KIAA1217: variants seen among roughly 807,000 people sequenced by gnomAD.
KIAA1217 encodes the protein sickle tail protein homolog.
KIAA1217 carries 88 observed loss-of-function variants against 163.9 expected under a neutral mutation model. The ratio of observed to expected loss-of-function variants is 0.54; its 90% CI spans 0.45 to 0.64. The LOEUF (loss-of-function observed/expected upper bound fraction) is 0.64. Among genes scored for constraint, KIAA1217 ranks in the 30% least tolerant of loss-of-function variants. The pLI, the probability that KIAA1217 is intolerant of heterozygous loss-of-function variation, is 0.00. For synonymous variants in KIAA1217, 903 were observed against 923.1 expected (o/e 0.98, Z 0.39); for missense variants, 2,372 against 2,475.0 (o/e 0.96, Z 0.88).
At chr10:24,212,076 G>C (rs555956545) in intron 1 of KIAA1217, among the ~76,000 whole-genome samples, 44 of 149,310 alleles carry the variant, frequency 2.9e-4, no homozygotes, top group Non-Finnish European at 5.8e-4. Context: ...GAAAGAGAAG[G>C]AAGGAAAAAG....
intron 1 of KIAA1217, among the ~76,000 whole-genome samples, chr10:23,818,755 G>T (rs564821711): frequency 6.6e-6 from 1 of 152,146 alleles, no homozygotes; most frequent in Non-Finnish European, 1.5e-5. Context: ...TTAAGGAAGT[G>T]GGAAGGGTTG....
chr10:23,791,494 A>G (rs1835950007), intron 1 of KIAA1217, among the ~76,000 whole-genome samples: 1 of 152,238 alleles, frequency 6.6e-6, no homozygotes, highest in Non-Finnish European at 1.5e-5. Flanking sequence ...TAATAAAACC[A>G]CAGTACCAAT....
At position 24,442,330 on chromosome 10, in the gene KIAA1217, G is replaced by A. The variant is rs374055387; in HGVS notation, c.846+3851G>A. On this transcript the variant is annotated intron_variant, in intron 5 of 20. Coordinates refer to ENST00000376454, the MANE Select transcript of KIAA1217 (RefSeq NM_019590.5). ...CTTCCTCTTGCCTGTGTTTAAGCAG[G>A]CTTCTCTAGTTTGGAGTTTATTTGT... 8.5e-5 allele frequency among the ~76,000 whole-genome samples: 13 copies of A among 152,128 alleles called. No homozygotes were observed. The East Asian group carries it at 2.5e-3, about 29-fold the overall frequency.
At chr10:23,965,924 A>G (rs955026762) in intron 1 of KIAA1217, among the ~76,000 whole-genome samples, 5 of 152,194 alleles carry the variant, frequency 3.3e-5, no homozygotes, top group African/African-American at 1.2e-4. Context: ...TGTCCCTGTA[A>G]CAGACACTGA....
intron 2 of KIAA1217, among the ~76,000 whole-genome samples, chr10:24,031,214 T>C (rs1399797966): frequency 6.6e-6 from 1 of 152,132 alleles, no homozygotes; most frequent in African/African-American, 2.4e-5. Flanking sequence ...CTGTTTTTTG[T>C]TTTTTTCATA....
intron 2 of KIAA1217, among the ~76,000 whole-genome samples, chr10:24,254,414 G>A (rs112519608): frequency 6.6e-6 from 1 of 152,222 alleles, no homozygotes; most frequent in Admixed American, 6.5e-5. Context: ...GACTCACAGT[G>A]ACTCTTATCC....
chr10:24,123,344 T>A (rs1589583838), intron 2 of KIAA1217, among the ~76,000 whole-genome samples: 2 of 152,168 alleles, frequency 1.3e-5, no homozygotes, highest in South Asian at 2.1e-4. Flanking sequence ...TTATTGTAAT[T>A]GCAGGATAGT....
At chr10:24,023,639 A>C (rs1847826031) in intron 2 of KIAA1217, among the ~76,000 whole-genome samples, 1 of 151,730 alleles carries the variant, frequency 6.6e-6, no homozygotes, top group Non-Finnish European at 1.5e-5. Flanking sequence ...ATACACTGAG[A>C]GACAACTGTA....
chr10:23,869,154 T>TTTTTTC (rs1840340611), intron 1 of KIAA1217, among the ~76,000 whole-genome samples: 1 of 140,364 alleles, frequency 7.1e-6, no homozygotes, highest in Non-Finnish European at 1.5e-5. Flanking sequence ...TTTTTTTTTT[T>TTTTTTC]GCATAAGTAG....
intron 6 of KIAA1217, chr10:24,481,213 A>G (rs2064644098): frequency 6.6e-6 from 1 of 152,260 alleles, no homozygotes; most frequent in Non-Finnish European, 1.5e-5. Context: ...CACCAGGAAC[A>G]TAAACCATGA....
chr10:24,178,418 G>A (rs757067660), intron 2 of KIAA1217, among the ~76,000 whole-genome samples: 15 of 152,222 alleles, frequency 9.9e-5, no homozygotes, highest in Admixed American at 6.5e-5. Context: ...CTTAAACATG[G>A]TGAAACCAGG....
chr10:23,743,973 C>G (rs1839264086), intron 1 of KIAA1217, among the ~76,000 whole-genome samples: 1 of 151,910 alleles, frequency 6.6e-6, no homozygotes, highest in African/African-American at 2.4e-5. Context: ...TCAGGAAAGA[C>G]TTCAGAAAAA....
chr10:24,320,991 G>T (rs1236094466), intron 2 of KIAA1217, among the ~76,000 whole-genome samples: 1 of 151,454 alleles, frequency 6.6e-6, no homozygotes, highest in Non-Finnish European at 1.5e-5. Context: ...AGCTTGCAGT[G>T]AGCTGAGATC....
intron 2 of KIAA1217, among the ~76,000 whole-genome samples, chr10:24,333,460 G>A (rs1012765907): frequency 1.3e-5 from 2 of 152,160 alleles, no homozygotes; most frequent in Admixed American, 1.3e-4. Flanking sequence ...GATTCAGGGG[G>A]TATGTGTGCA....
chr10:23,783,691 G>A (rs1032437113), intron 1 of KIAA1217, among the ~76,000 whole-genome samples: 14 of 152,014 alleles, frequency 9.2e-5, no homozygotes, highest in African/African-American at 3.4e-4. Context: ...TCTGGTCATG[G>A]TTTTGTGGCT....
intron 2 of KIAA1217, among the ~76,000 whole-genome samples, chr10:24,115,510 T>A (rs1001281685): frequency 6.6e-6 from 1 of 152,206 alleles, no homozygotes; most frequent in African/African-American, 2.4e-5. Context: ...GTAATACACA[T>A]GATCTCACAC....
In KIAA1217 at chr10:24,040,816, T is replaced by G. The variant is rs931709290; in HGVS notation, c.-171+33442T>G. Reference sequence around the variant, plus strand: ...GTTAGGAATCATTAAAACTGAAGTTTTGAAAAAGACGGGCTAAGGAAAGTA... The same window carrying G: ...GTTAGGAATCATTAAAACTGAAGTTGTGAAAAAGACGGGCTAAGGAAAGTA... On this transcript the variant is annotated intron_variant, in intron 2 of 18. Transcript: ENST00000376462. Among the ~76,000 whole-genome samples the G allele has an allele frequency of 3.8e-4, 58 of 152,290 alleles. 1 individual carries two copies. The highest frequency in any genetic ancestry group is 6.2e-4 in the South Asian group (3 of 4,824).
chr10:24,082,514 T>C (rs1438617247), intron 2 of KIAA1217, among the ~76,000 whole-genome samples: 1 of 152,094 alleles, frequency 6.6e-6, no homozygotes, highest in African/African-American at 2.4e-5. Flanking sequence ...TCTGTTTCTG[T>C]GTTAGTTTGC....
intron 2 of KIAA1217, among the ~76,000 whole-genome samples, chr10:24,185,830 T>C (rs773546003): frequency 2.0e-5 from 3 of 151,434 alleles, no homozygotes; most frequent in Admixed American, 6.6e-5. Context: ...CGGAATGTGG[T>C]GGCAGGTGCC....
Sources: gnomAD v4.1 joint callset for allele counts (sites outside exome capture counted in the v4.1 genomes callset) on GRCh38, gnomAD v4.1.1 for gene constraint, MANE v1.5 for transcripts, NCBI Gene and HGNC (gene_info 2026-07-23, HGNC 2026-07-21) for gene names.